Variants in NHLRC2 observed in about 807,000 individuals in gnomAD.
The protein encoded by NHLRC2 is NHL repeat containing 2, also known as NHL repeat-containing protein 2.
NHLRC2 carries 33 observed loss-of-function variants against 68.1 expected under a neutral mutation model. That is an observed-to-expected ratio of 0.48 (90% CI 0.37 to 0.65). The LOEUF (loss-of-function observed/expected upper bound fraction) is 0.65. NHLRC2 is among the 30% of genes least tolerant of loss of function. The pLI is 0.00. For synonymous variants in NHLRC2, 311 were observed against 309.6 expected (o/e 1.00, Z -0.05); for missense variants, 761 against 853.8 (o/e 0.89, Z 1.35).
At chr10:113,867,334 G>A (rs1187441895) in intron 2 of NHLRC2, among the ~76,000 whole-genome samples, 1 of 152,138 alleles carries the variant, frequency 6.6e-6, no homozygotes, top group Non-Finnish European at 1.5e-5. Context: ...TTTATTCTAT[G>A]TTCTTAAATA....
rs545866058 is a variant in NHLRC2, at chr10:113,878,809, G to A, written c.788-765G>A. Among the ~76,000 whole-genome samples the A allele has an allele frequency of 3.0e-3, 452 of 152,272 alleles. 1 individual carries two copies. The highest frequency in any genetic ancestry group is 4.3e-3 in the Non-Finnish European group (295 of 68,020). ...CTCCCAAAGTGCTGAGATTACAGACGTGAGCCACTGTGCCAGGCCTTGGGT... is the reference window on the plus strand; with the variant it reads ...CTCCCAAAGTGCTGAGATTACAGACATGAGCCACTGTGCCAGGCCTTGGGT... On this transcript the variant is annotated intron_variant, in intron 3 of 10. Coordinates refer to ENST00000369301, the MANE Select transcript of NHLRC2 (RefSeq NM_198514.4).
At position 113,855,040 on chromosome 10, in the gene NHLRC2, G is replaced by C; in HGVS notation, c.168G>C (p.Glu56Asp). ...DGWEQDLSVP[E>D]FPEGLEWLNT... ...GGGAGCAGGACTTGTCAGTACCCGA[G>C]TTTCCGGAAGGTGAGGGGCTGGCGT... Residue 56 changes from glutamate to aspartate, a missense_variant, in exon 1 of 11, where the codon GAG becomes GAC. Coordinates refer to ENST00000369301, the MANE Select transcript of NHLRC2 (RefSeq NM_198514.4). 6.4e-7 allele frequency: 1 copy of C among 1,552,250 alleles called. No homozygotes were observed.
rs997138080 is a variant in NHLRC2, at chr10:113,909,999, T to A, written c.*1463T>A. 3 of 152,200 alleles carry A rather than the reference T, an allele frequency of 2.0e-5. No homozygotes were observed. Among genetic ancestry groups the A allele is most frequent in the Non-Finnish European group, 4.4e-5 (3 of 68,024 alleles). The allele number at this position is 152,200 out of a possible 1,614,324, so 9.4% of individuals were successfully genotyped here. A position where few individuals can be genotyped will look rare whatever the true frequency, so the allele number is the denominator to read the frequency against. On this transcript the variant is annotated 3_prime_UTR_variant, in exon 11 of 11. Transcript: ENST00000369301. ...GCTGAATCTCTGAAGTAAGGATGTA[T>A]AAATCATGACATTGATTTAATTAGT...
intron 10 of NHLRC2, among the ~76,000 whole-genome samples, chr10:113,907,441 A>G (rs974526350): frequency 5.3e-5 from 8 of 152,200 alleles, no homozygotes; most frequent in African/African-American, 1.7e-4. Flanking sequence ...AGCATTTCAT[A>G]TATTTCCCAA....
chr10:113,882,715 T>A (rs797000606), intron 4 of NHLRC2, among the ~76,000 whole-genome samples: 1 of 151,826 alleles, frequency 6.6e-6, no homozygotes, highest in Non-Finnish European at 1.5e-5. Context: ...GATTTGTCCA[T>A]TTTTTCCTTT....
intron 2 of NHLRC2, among the ~76,000 whole-genome samples, chr10:113,867,501 A>G (rs1422178641): frequency 1.3e-5 from 2 of 152,026 alleles, no homozygotes; most frequent in African/African-American, 2.4e-5. Context: ...TTATGTTTCC[A>G]TTGTTCTTAG....
rs60186445 is a variant in NHLRC2, at chr10:113,889,495, T to C, written c.1039+5115T>C. 5.5e-3 allele frequency among the ~76,000 whole-genome samples: 833 copies of C among 152,350 alleles called. 8 individuals are homozygous for C. Among genetic ancestry groups the C allele is most frequent in the African/African-American group, 0.018 (752 of 41,578 alleles). ...ATTTTTATTTTGTTAAAATAAGTTA[T>C]ATCTTTATGTCTAAAATTTGAGAGA... On this transcript the variant is annotated intron_variant, in intron 5 of 10. Transcript: ENST00000369301.
chr10:113,886,306 T>C (rs917464474), intron 5 of NHLRC2, among the ~76,000 whole-genome samples: 1 of 152,176 alleles, frequency 6.6e-6, no homozygotes, highest in Non-Finnish European at 1.5e-5. Context: ...AAAATGTTCA[T>C]ACTACCCAAA....
chr10:113,865,869 T>C (rs951269031), intron 2 of NHLRC2, among the ~76,000 whole-genome samples: 11 of 152,222 alleles, frequency 7.2e-5, no homozygotes, highest in Admixed American at 6.5e-5. Context: ...AAGCTGTCAC[T>C]AAGTCACTAA....
In NHLRC2 at chr10:113,910,381, T is replaced by G. The variant is rs1004108886; in HGVS notation, c.*1845T>G. On this transcript the variant is annotated 3_prime_UTR_variant, in exon 11 of 11. Coordinates refer to ENST00000369301, the MANE Select transcript of NHLRC2 (RefSeq NM_198514.4). ...ATGCCCAGCTAATTTTTTTGTGTTT[T>G]TAGTAGAGACAGGGTTTCACCATGT... The G allele has an allele frequency of 1.3e-5, 2 of 152,164 alleles. No individual in the cohort carries two copies. The highest frequency in any genetic ancestry group is 2.9e-5 in the Non-Finnish European group (2 of 68,042). 9.4% of individuals were successfully genotyped at this position (152,164 alleles called of 1,614,324 possible). A position where few individuals can be genotyped will look rare whatever the true frequency, so the allele number is the denominator to read the frequency against.
intron 2 of NHLRC2, among the ~76,000 whole-genome samples, chr10:113,860,866 T>C (rs1845809702): frequency 6.6e-6 from 1 of 152,188 alleles, no homozygotes. Flanking sequence ...TGAGAAAGTA[T>C]GTTTAATGCT....
At position 113,908,471 on chromosome 10, in the gene NHLRC2, C is replaced by G. The variant is rs1846294862; in HGVS notation, c.2116C>G (p.Pro706Ala). The G allele has an allele frequency of 3.1e-6, 5 of 1,613,870 alleles. No homozygotes were observed. Among genetic ancestry groups the G allele is most frequent in the Non-Finnish European group, 3.4e-6 (4 of 1,179,786 alleles). Residue 706 changes from proline (P) to alanine (A), a missense_variant, in exon 11 of 11, where the codon CCT (proline) becomes GCT (alanine). Coordinates refer to ENST00000369301, the MANE Select transcript of NHLRC2 (RefSeq NM_198514.4). Reference protein sequence around the residue: ...CMMKAILFSQPLQITDTQQGC... With the variant: ...CMMKAILFSQALQITDTQQGC... The stretch of plus-strand genomic sequence containing the variant: ...GATGAAGGCAATTTTGTTCAGTCAG[C>G]CTTTACAAATAACGGATACACAGCA...
chr10:113,907,718 G>A (rs915485000), intron 10 of NHLRC2, among the ~76,000 whole-genome samples: 3 of 152,094 alleles, frequency 2.0e-5, no homozygotes, highest in Admixed American at 6.5e-5. Context: ...AGCCCACAGA[G>A]AATAGATATG....
intron 4 of NHLRC2, among the ~76,000 whole-genome samples, chr10:113,882,802 C>A (rs1212796677): frequency 6.6e-6 from 1 of 151,704 alleles, no homozygotes; most frequent in Non-Finnish European, 1.5e-5. Context: ...GTGTTTTATT[C>A]TAAAAGTCTT....
At chr10:113,870,756 G>A (rs928453648) in intron 2 of NHLRC2, among the ~76,000 whole-genome samples, 3 of 152,208 alleles carry the variant, frequency 2.0e-5, no homozygotes, top group Admixed American at 1.3e-4. Flanking sequence ...TCTGCTAGCA[G>A]TGTGTGAGTG....
In NHLRC2 at chr10:113,880,230, A is replaced by C. The variant is rs539454741; in HGVS notation, c.909+535A>C. Among the ~76,000 whole-genome samples the C allele has an allele frequency of 4.6e-5, 7 of 152,128 alleles. No individual in the cohort carries two copies. The East Asian group carries it at 1.2e-3, about 25-fold the overall frequency. On this transcript the variant is annotated intron_variant, in intron 4 of 10. Transcript: ENST00000369301. Reference sequence around the variant, plus strand: ...CCCAGAGGTAACCATCCACTGTTAAAGTGTGTGTCTTTTTGGAAATTTTCT... The same window carrying C: ...CCCAGAGGTAACCATCCACTGTTAACGTGTGTGTCTTTTTGGAAATTTTCT...
At position 113,908,751 on chromosome 10, in the gene NHLRC2, T is replaced by C. The variant is rs139912591; in HGVS notation, c.*215T>C. The C allele has an allele frequency of 1.8e-6, 1 of 561,070 alleles. No homozygotes were observed. Among genetic ancestry groups the C allele is most frequent in the Non-Finnish European group, 3.2e-6 (1 of 315,374 alleles). 34.8% of individuals were successfully genotyped at this position (561,070 alleles called of 1,614,324 possible). Reference sequence around the variant, plus strand: ...GCTTTGGCTGATACTAGCTGAGTCATTGATCATCATTGGTACCATGATATT... The same window carrying C: ...GCTTTGGCTGATACTAGCTGAGTCACTGATCATCATTGGTACCATGATATT... On this transcript the variant is annotated 3_prime_UTR_variant, in exon 11 of 11. Coordinates refer to ENST00000369301, the MANE Select transcript of NHLRC2 (RefSeq NM_198514.4).
chr10:113,857,205 T>C (rs1351475386), intron 1 of NHLRC2, among the ~76,000 whole-genome samples: 1 of 152,168 alleles, frequency 6.6e-6, no homozygotes, highest in African/African-American at 2.4e-5. Context: ...GACTAAGATG[T>C]AGTCATTCTT....
intron 2 of NHLRC2, among the ~76,000 whole-genome samples, chr10:113,868,134 A>G (rs1423236292): frequency 6.6e-6 from 1 of 152,136 alleles, no homozygotes; most frequent in Non-Finnish European, 1.5e-5. Context: ...TATTACAAAC[A>G]GCCTGAGCCA....
Sources: allele counts gnomAD v4.1 joint callset (sites outside exome capture counted in the v4.1 genomes callset), GRCh38; gene constraint gnomAD v4.1.1; transcripts MANE v1.5; gene names NCBI Gene and HGNC (gene_info 2026-07-23, HGNC 2026-07-21).